The following DTNB variants were observed in gnomAD, a reference collection of about 807,000 sequenced individuals.
DTNB encodes dystrobrevin beta, also known as DTN-B.
Under a neutral mutation model 90.7 loss-of-function variants are expected in DTNB, and 63 were observed. That is an observed-to-expected ratio of 0.69 (90% CI 0.57 to 0.86). DTNB has a LOEUF of 0.86. Among genes scored for constraint, DTNB ranks in the 40% least tolerant of loss-of-function variants. The pLI is 0.00. For synonymous variants in DTNB, 277 were observed against 286.7 expected, an observed-to-expected ratio of 0.97 and a Z score of 0.34; for missense variants, 744 against 807.1, an observed-to-expected ratio of 0.92 and a Z score of 0.95.
At chr2:25,607,208 A>AT in intron 5 of DTNB, 28 bp downstream of exon 5, 1 of 1,555,872 alleles carries the variant, frequency 6.4e-7, no homozygotes, top group Non-Finnish European at 8.7e-7. Flanking sequence ...TGAAAATGGC[A>AT]TTTTTCAAAT....
Position 25,531,472 on chromosome 2 carries a change from CACT to C in DTNB, c.999_1001del (p.Val334del). On this transcript the variant is annotated inframe_deletion and splice_region_variant, in exon 9 of 21. Coordinates refer to ENST00000406818, the MANE Select transcript of DTNB (RefSeq NM_021907.5). ...ACATGCACATCCAGGGGTATACTTA[CACT>C]ATATGTGCAAGGTCAAGTGGTTTCT... 6.2e-7 allele frequency: 1 copy of C among 1,612,996 alleles called. No individual in the cohort carries two copies. Among genetic ancestry groups the C allele is most frequent in the Non-Finnish European group, 8.5e-7 (1 of 1,179,640 alleles).
chr2:25,509,703 A>G (rs933337042), intron 9 of DTNB, among the ~76,000 whole-genome samples: 1 of 142,654 alleles, frequency 7.0e-6, no homozygotes, highest in Non-Finnish European at 1.5e-5. Context: ...GGGGTCCTCT[A>G]GCTTTACTAT....
intron 9 of DTNB, among the ~76,000 whole-genome samples, chr2:25,503,760 AC>A (rs1422672612): frequency 5.9e-5 from 9 of 151,638 alleles, no homozygotes; most frequent in Non-Finnish European, 1.3e-4. Context: ...TAAAAACAAT[AC>A]AAAAAATTAG....
intron 6 of DTNB, among the ~76,000 whole-genome samples, chr2:25,588,152 T>C (rs758530608): frequency 5.3e-5 from 8 of 151,884 alleles, no homozygotes; most frequent in Non-Finnish European, 8.8e-5. Context: ...TTTGGGGATA[T>C]CCTCTTTTTT....
At chr2:25,544,874 G>C (rs1213878648) in intron 8 of DTNB, among the ~76,000 whole-genome samples, 1 of 152,034 alleles carries the variant, frequency 6.6e-6, no homozygotes, top group African/African-American at 2.4e-5. Context: ...ATTATTTTTT[G>C]CTCAAAGTAT....
intron 9 of DTNB, among the ~76,000 whole-genome samples, chr2:25,519,432 A>C (rs2075755697): frequency 6.7e-6 from 1 of 150,036 alleles, no homozygotes; most frequent in South Asian, 2.1e-4. Context: ...CCCTGTCTCT[A>C]AAAAACAAAT....
intron 19 of DTNB, among the ~76,000 whole-genome samples, chr2:25,382,145 G>A (rs553173935): frequency 6.6e-6 from 1 of 152,356 alleles, no homozygotes; most frequent in Admixed American, 6.5e-5. Flanking sequence ...CTCCCTGGGA[G>A]GGCTGCTGCT....
At chr2:25,564,530 G>A (rs574241881) in intron 8 of DTNB, among the ~76,000 whole-genome samples, 21 of 150,168 alleles carry the variant, frequency 1.4e-4, no homozygotes, top group East Asian at 4.0e-4. Context: ...ACAGGCACGC[G>A]CCACCACACC....
intron 9 of DTNB, among the ~76,000 whole-genome samples, chr2:25,503,543 AG>A (rs2071412664): frequency 6.6e-6 from 1 of 152,340 alleles, no homozygotes; most frequent in South Asian, 2.1e-4. Flanking sequence ...AGACAAGTTC[AG>A]CAAAGCTGCA....
At chr2:25,436,996 G>C (rs1314864265) in intron 12 of DTNB, among the ~76,000 whole-genome samples, 1 of 152,158 alleles carries the variant, frequency 6.6e-6, no homozygotes, top group African/African-American at 2.4e-5. Context: ...TTCCACAGAG[G>C]AGGTTAATAT....
At position 25,387,500 on chromosome 2, in the gene DTNB, G is replaced by A; in HGVS notation, c.1736-122C>T. The A allele has an allele frequency of 1.2e-6, 1 of 862,748 alleles. No individual in the cohort carries two copies. Among genetic ancestry groups the A allele is most frequent in the Non-Finnish European group, 1.8e-6 (1 of 558,578 alleles). 53.4% of individuals were successfully genotyped at this position (862,748 alleles called of 1,614,324 possible). On this transcript the variant is annotated intron_variant, in intron 17 of 20. Coordinates refer to ENST00000406818, the MANE Select transcript of DTNB (RefSeq NM_021907.5). This position sits in a 1 kb window ranked among gnomAD's most constrained non-coding sequence, Gnocchi z 4.5. Reference sequence around the variant, plus strand: ...AGGTGTGGAACACCTAAGGGGAGATGGGGCCACAGCAGCTCCACCCATTCC... The same window carrying A: ...AGGTGTGGAACACCTAAGGGGAGATAGGGCCACAGCAGCTCCACCCATTCC...
At chr2:25,659,656 C>T (rs984273056) in intron 1 of DTNB, among the ~76,000 whole-genome samples, 3 of 152,008 alleles carry the variant, frequency 2.0e-5, no homozygotes, top group African/African-American at 7.2e-5. Context: ...TCAGATAAAA[C>T]TGACCAATTC....
At chr2:25,491,901 G>T (rs2067588941) in intron 9 of DTNB, among the ~76,000 whole-genome samples, 1 of 150,442 alleles carries the variant, frequency 6.6e-6, no homozygotes, top group Non-Finnish European at 1.5e-5. Context: ...TTTTACAGAT[G>T]GAAAAAAAAA....
At chr2:25,381,374 A>T (rs182586687) in intron 19 of DTNB, among the ~76,000 whole-genome samples, 1 of 152,076 alleles carries the variant, frequency 6.6e-6, no homozygotes, top group East Asian at 1.9e-4. Context: ...CTGCTCTCTA[A>T]TGTGACCTTT....
chr2:25,572,531 G>A (rs1471499426), intron 8 of DTNB, among the ~76,000 whole-genome samples: 1 of 151,736 alleles, frequency 6.6e-6, no homozygotes, highest in African/African-American at 2.4e-5. Context: ...GGTGGAGCCG[G>A]AGCAGGAGTT....
chr2:25,487,714 T>C (rs2066483751), intron 9 of DTNB, among the ~76,000 whole-genome samples: 1 of 152,132 alleles, frequency 6.6e-6, no homozygotes, highest in Non-Finnish European at 1.5e-5. Flanking sequence ...AAGAGAACCC[T>C]AGATAGAAAT....
intron 10 of DTNB, among the ~76,000 whole-genome samples, chr2:25,472,256 G>T (rs1350184657): frequency 1.3e-5 from 2 of 152,204 alleles, no homozygotes. Flanking sequence ...TAGTTTTAGG[G>T]TGTTACGGAA....
At chr2:25,395,177 T>G (rs897567856) in intron 16 of DTNB, among the ~76,000 whole-genome samples, 1 of 152,128 alleles carries the variant, frequency 6.6e-6, no homozygotes, top group Non-Finnish European at 1.5e-5. Context: ...GGAGCTTAGC[T>G]ATGAGGACAC....
At chr2:25,648,993 CTTTTTTTTTTTTTTTTT>C (rs60749102) in intron 2 of DTNB, among the ~76,000 whole-genome samples, 6 of 93,992 alleles carry the variant, frequency 6.4e-5, no homozygotes, top group African/African-American at 2.6e-4. Context: ...TCCTTCCTAC[CTTTTTTTTTTTTTTTTT>C]TTTTTTTTTT....
Sources: allele counts gnomAD v4.1 joint callset (sites outside exome capture counted in the v4.1 genomes callset), GRCh38; gene constraint gnomAD v4.1.1; non-coding constraint Gnocchi (gnomAD v3.1); transcripts MANE v1.5; gene names NCBI Gene and HGNC (gene_info 2026-07-23, HGNC 2026-07-21).